ATP8B4: variants seen among roughly 807,000 people sequenced by gnomAD.
The protein encoded by ATP8B4 is probable phospholipid-transporting ATPase IM.
A neutral mutation model predicts 145.6 loss-of-function variants in ATP8B4; 133 were observed. The ratio of observed to expected loss-of-function variants is 0.91; its 90% CI spans 0.79 to 1.05. ATP8B4 has a LOEUF of 1.05. Ranked by LOEUF, ATP8B4 falls within the 50% of genes least tolerant of loss-of-function variation. The probability of loss-of-function intolerance (pLI) is 0.00; values close to 1 mark genes in which losing one functional copy is unlikely to be tolerated. For synonymous variants in ATP8B4, 507 were observed against 492.9 expected (o/e 1.03, Z -0.38); for missense variants, 1,458 against 1,425.2 (o/e 1.02, Z -0.37).
At chr15:49,933,049 T>C (rs1018406951) in intron 15 of ATP8B4, among the ~76,000 whole-genome samples, 24 of 152,014 alleles carry the variant, frequency 1.6e-4, no homozygotes, top group Non-Finnish European at 2.6e-4. Context: ...CATTAGAACA[T>C]TGAAGCAAAT....
intron 12 of ATP8B4, among the ~76,000 whole-genome samples, chr15:49,976,176 T>C (rs1056190673): frequency 2.6e-5 from 4 of 152,162 alleles, no homozygotes; most frequent in Admixed American, 1.3e-4. Flanking sequence ...TGATATGGTA[T>C]TAAGATACAT....
At chr15:49,955,211 C>A (rs1328076375) in intron 14 of ATP8B4, among the ~76,000 whole-genome samples, 1 of 152,172 alleles carries the variant, frequency 6.6e-6, no homozygotes, top group Non-Finnish European at 1.5e-5. Flanking sequence ...TGAAAAACTA[C>A]CTCTTGGGTA....
chr15:50,067,022 T>C (rs569470175), intron 3 of ATP8B4, among the ~76,000 whole-genome samples: 112 of 152,200 alleles, frequency 7.4e-4, no homozygotes, highest in African/African-American at 2.6e-3. Context: ...CTTCAATCCT[T>C]GCTGTCCTCT....
At chr15:50,115,556 G>A (rs554092349) in intron 1 of ATP8B4, among the ~76,000 whole-genome samples, 7 of 151,980 alleles carry the variant, frequency 4.6e-5, no homozygotes, top group South Asian at 2.1e-4. Flanking sequence ...AAGGAACAGC[G>A]TGAGGAAAGG....
At chr15:50,171,235 C>T (rs2044670116) in intron 1 of ATP8B4, among the ~76,000 whole-genome samples, 1 of 152,076 alleles carries the variant, frequency 6.6e-6, no homozygotes, top group African/African-American at 2.4e-5. Flanking sequence ...ACATTTCATC[C>T]AACAACCACA....
intron 1 of ATP8B4, among the ~76,000 whole-genome samples, chr15:50,132,736 TA>T (rs1334547730): frequency 6.6e-6 from 1 of 152,048 alleles, no homozygotes; most frequent in Non-Finnish European, 1.5e-5. Flanking sequence ...ACAGACTGGA[TA>T]AAGAAAATGT....
intron 12 of ATP8B4, among the ~76,000 whole-genome samples, chr15:49,976,793 G>A (rs772861066): frequency 1.2e-4 from 18 of 152,084 alleles, no homozygotes; most frequent in African/African-American, 3.4e-4. Flanking sequence ...AACATTCAGC[G>A]CTTTCTTTTA....
At chr15:49,896,998 C>T in intron 23 of ATP8B4, 2 of 308,904 alleles carry the variant, frequency 6.5e-6, no homozygotes, top group South Asian at 5.0e-5. Flanking sequence ...AACAAGCTTA[C>T]CTGTCATCAT....
chr15:50,053,994 T>C (rs1215858853), intron 3 of ATP8B4, among the ~76,000 whole-genome samples: 1 of 152,236 alleles, frequency 6.6e-6, no homozygotes, highest in South Asian at 2.1e-4. Context: ...CATATATTTA[T>C]AGGACTATCA....
chr15:49,918,457 T>C (rs190946719), intron 19 of ATP8B4, among the ~76,000 whole-genome samples: 15 of 152,316 alleles, frequency 9.8e-5, no homozygotes, highest in African/African-American at 2.6e-4. Context: ...ATCAAGAAAC[T>C]AAAGGAGTAA....
chr15:50,158,083 G>A (rs1225399622), intron 1 of ATP8B4, among the ~76,000 whole-genome samples: 2 of 152,224 alleles, frequency 1.3e-5, no homozygotes, highest in Non-Finnish European at 2.9e-5. Flanking sequence ...CTGGAGTGCA[G>A]TGGCGTGATC....
intron 6 of ATP8B4, among the ~76,000 whole-genome samples, chr15:50,017,819 A>G (rs2049206945): frequency 6.6e-6 from 1 of 152,218 alleles, no homozygotes; most frequent in Admixed American, 6.5e-5. Context: ...ACAAAGTACA[A>G]TTAAAGGTAT....
chr15:50,098,887 GAATAT>G (rs1199358852), intron 2 of ATP8B4, among the ~76,000 whole-genome samples: 1 of 152,112 alleles, frequency 6.6e-6, no homozygotes, highest in Non-Finnish European at 1.5e-5. Context: ...GAGGAAAAAT[GAATAT>G]AATAGTAATG....
At chr15:50,073,009 TATATATATATACACACACACACAC>T (rs1300015932) in intron 3 of ATP8B4, among the ~76,000 whole-genome samples, 638 of 50,546 alleles carry the variant, frequency 0.013, 13 homozygotes, top group Non-Finnish European at 0.016. Flanking sequence ...TATATATATA[TATATATATATACACACACACACAC>T]ACACACACAC....
intron 14 of ATP8B4, among the ~76,000 whole-genome samples, chr15:49,956,806 A>G (rs1392986428): frequency 6.6e-6 from 1 of 152,140 alleles, no homozygotes; most frequent in Non-Finnish European, 1.5e-5. Context: ...CTCACCTCTC[A>G]AAGTGCTGTG....
In ATP8B4 at chr15:49,876,312, ATG is replaced by A; in HGVS notation, c.2991_2992del (p.Met998GlyfsTer23). 6.2e-7 allele frequency: 1 copy of A among 1,614,120 alleles called. No individual in the cohort carries two copies. Among genetic ancestry groups the A allele is most frequent in the Non-Finnish European group, 8.5e-7 (1 of 1,179,968 alleles). ...GACCACAATGACCAAAGATGTGGCC[ATG>A]GTAACTGCAAAGGACTGGTAGTCAG... On this transcript the variant is annotated frameshift_variant, in exon 25 of 28. Transcript: ENST00000284509. LOFTEE classifies it high-confidence loss of function.
chr15:49,951,873 T>G (rs943665798), intron 14 of ATP8B4, among the ~76,000 whole-genome samples: 9 of 152,214 alleles, frequency 5.9e-5, no homozygotes, highest in Non-Finnish European at 8.8e-5. Context: ...CAGGAGCTCT[T>G]GCACAGCAGG....
chr15:50,033,371 G>A (rs1227434439), intron 6 of ATP8B4, among the ~76,000 whole-genome samples: 1 of 152,166 alleles, frequency 6.6e-6, no homozygotes, highest in Non-Finnish European at 1.5e-5. Context: ...ATCTCAGACT[G>A]TTCTAATGCA....
intron 8 of ATP8B4, among the ~76,000 whole-genome samples, chr15:49,999,169 T>C (rs1165334274): frequency 1.3e-5 from 2 of 151,956 alleles, no homozygotes; most frequent in East Asian, 3.9e-4. Flanking sequence ...ATTAAGAAAA[T>C]GTGGCACATA....
Sources: allele counts gnomAD v4.1 joint callset (sites outside exome capture counted in the v4.1 genomes callset), GRCh38; gene constraint gnomAD v4.1.1; transcripts MANE v1.5; gene names NCBI Gene and HGNC (gene_info 2026-07-23, HGNC 2026-07-21).